The following AJAP1 variants were observed in gnomAD, a reference collection of about 807,000 sequenced individuals.
AJAP1 encodes the protein adherens junctions associated protein 1.
In AJAP1, 5 loss-of-function variants were observed where a neutral mutation model predicts 35.0. That is an observed-to-expected ratio of 0.14 (90% CI 0.07 to 0.30). The LOEUF is 0.30. Ranked by LOEUF, AJAP1 falls within the 10% of genes least tolerant of loss-of-function variation. The pLI is 1.00. For missense variants in AJAP1, 586 were observed against 571.0 expected, an observed-to-expected ratio of 1.03 and a Z score of -0.27; for synonymous variants, 284 against 249.3, an observed-to-expected ratio of 1.14 and a Z score of -1.31.
At chr1:4,765,411 C>T (rs1019283250) in intron 2 of AJAP1, among the ~76,000 whole-genome samples, 1 of 151,692 alleles carries the variant, frequency 6.6e-6, no homozygotes, top group African/African-American at 2.4e-5. Flanking sequence ...TGTTCCTGCC[C>T]GAGGTAGCTA....
intron 1 of AJAP1, chr1:4,711,283 G>C (rs755181765): frequency 6.6e-6 from 1 of 152,360 alleles, no homozygotes; most frequent in Non-Finnish European, 1.5e-5. Flanking sequence ...GCTGGTGTTT[G>C]CAAAGTGCAA....
intron 2 of AJAP1, among the ~76,000 whole-genome samples, chr1:4,743,573 C>T (rs1369265879): frequency 6.6e-6 from 1 of 152,180 alleles, no homozygotes; most frequent in Non-Finnish European, 1.5e-5. Context: ...CCTCCATCCG[C>T]CCGACAGCAG....
At position 4,784,740 on chromosome 1, in the gene AJAP1, A is replaced by C. The variant is rs1642132815; in HGVS notation, c.*2255A>C. ...TTATTTTCCCCCCAAGCTTTGGCAC[A>C]TCCTGAGACAATGCAAACATCCGCC... is the stretch of plus-strand genomic sequence containing the variant. On this transcript the variant is annotated 3_prime_UTR_variant, in exon 6 of 6. Transcript: ENST00000378191. 1 of 152,258 alleles carries C rather than the reference A, an allele frequency of 6.6e-6. No individual in the cohort carries two copies. Among genetic ancestry groups the C allele is most frequent in the African/African-American group, 2.4e-5 (1 of 41,446 alleles). 9.4% of individuals were successfully genotyped at this position (152,258 alleles called of 1,614,324 possible). A position where few individuals can be genotyped will look rare whatever the true frequency, so the allele number is the denominator to read the frequency against.
chr1:4,704,404 G>A (rs1396919955), intron 1 of AJAP1, among the ~76,000 whole-genome samples: 24 of 148,642 alleles, frequency 1.6e-4, no homozygotes, highest in East Asian at 6.1e-4. Flanking sequence ...GAGAACATGC[G>A]GTGTTTGGTT....
rs140887963 is a variant in AJAP1 at position 4,727,579 on chromosome 1, G to A, written c.829+14880G>A. On this transcript the variant is annotated intron_variant, in intron 2 of 5. Transcript: ENST00000378191. ...GCAGAGGCGTGCTGCTGGGGACCAC[G>A]TCCCTGACACAGGACCTGGGTGCCC... Among the ~76,000 whole-genome samples the A allele has an allele frequency of 3.1e-3, 468 of 152,330 alleles. 1 individual carries two copies. Among genetic ancestry groups the A allele is most frequent in the African/African-American group, 0.011 (439 of 41,568 alleles).
In AJAP1 at chr1:4,734,083, G is replaced by A. The variant is rs1358324371; in HGVS notation, c.829+21384G>A. ...TGACTTGGCTCAGCCCAGGAAAAGC[G>A]AGAGCGATTTGCAAAAGGCCCCTTC... is the stretch of plus-strand genomic sequence containing the variant. On this transcript the variant is annotated intron_variant, in intron 2 of 5. Coordinates refer to ENST00000378191, the MANE Select transcript of AJAP1 (RefSeq NM_018836.4). The surrounding 1 kb of genome is among the most constrained non-coding windows in gnomAD (Gnocchi z 4.3). 1.3e-5 allele frequency among the ~76,000 whole-genome samples: 2 copies of A among 152,196 alleles called. No homozygotes were observed. The highest frequency in any genetic ancestry group is 2.4e-5 in the African/African-American group (1 of 41,450).
At chr1:4,722,062 G>A (rs537473819) in intron 2 of AJAP1, among the ~76,000 whole-genome samples, 27 of 152,312 alleles carry the variant, frequency 1.8e-4, no homozygotes, top group African/African-American at 5.8e-4. Context: ...TGCCACACCA[G>A]CTGGGACAGT....
intron 1 of AJAP1, among the ~76,000 whole-genome samples, chr1:4,689,808 G>A (rs1639697156): frequency 6.6e-6 from 1 of 152,206 alleles, no homozygotes; most frequent in African/African-American, 2.4e-5. Context: ...CCTGGCAGCT[G>A]GGAAACAGCC....
chr1:4,687,358 C>A (rs1385849485), intron 1 of AJAP1, among the ~76,000 whole-genome samples: 1 of 152,076 alleles, frequency 6.6e-6, no homozygotes, highest in African/African-American at 2.4e-5. Flanking sequence ...TTCCCTTAAG[C>A]GGAGTGTAAA....
At chr1:4,658,283 C>T (rs1255914300) in intron 1 of AJAP1, among the ~76,000 whole-genome samples, 5 of 152,272 alleles carry the variant, frequency 3.3e-5, no homozygotes, top group Middle Eastern at 3.4e-3. Context: ...TTCTGGGGCC[C>T]CTTTTGTTTG....
At chr1:4,707,091 G>A (rs906466335) in intron 1 of AJAP1, among the ~76,000 whole-genome samples, 1 of 152,138 alleles carries the variant, frequency 6.6e-6, no homozygotes, top group Non-Finnish European at 1.5e-5. Context: ...GGGTGTCCCA[G>A]TGAGGACTGG....
chr1:4,683,188 G>T (rs1639527079), intron 1 of AJAP1, among the ~76,000 whole-genome samples: 1 of 152,144 alleles, frequency 6.6e-6, no homozygotes, highest in Admixed American at 6.5e-5. Flanking sequence ...CTGTAGAATG[G>T]GGTTAATAGC....
rs1346190800 is a variant in AJAP1 at position 4,655,207 on chromosome 1, G to T, written c.-219G>T. ...GATGTGCGCCCCCGCGGGCCGCCCAGCCTGAGCCATGCGCCCCAACGGCGG... is the reference window on the plus strand; with the variant it reads ...GATGTGCGCCCCCGCGGGCCGCCCATCCTGAGCCATGCGCCCCAACGGCGG... On this transcript the variant is annotated 5_prime_UTR_variant, in exon 1 of 6. Transcript: ENST00000378191. The surrounding 1 kb of genome is among the most constrained non-coding windows in gnomAD (Gnocchi z 6.9). The T allele has an allele frequency of 6.5e-6, 1 of 153,238 alleles. No individual in the cohort carries two copies. Among genetic ancestry groups the T allele is most frequent in the Non-Finnish European group, 1.4e-5 (1 of 71,570 alleles). The allele number at this position is 153,238 out of a possible 1,614,324, so 9.5% of individuals were successfully genotyped here. A position where few individuals can be genotyped will look rare whatever the true frequency, so the allele number is the denominator to read the frequency against.
At position 4,712,100 on chromosome 1, in the gene AJAP1, C is replaced by T. The variant is rs762630841; in HGVS notation, c.230C>T (p.Pro77Leu). The change falls in exon 2 of 6, where the codon CCG becomes CTG. Residue 77 changes from proline (P) to leucine (L), a missense_variant. Transcript: ENST00000378191. ...GGACAGCCAGCGCGGGTCCCGGCCCCGGTGTGGAGCCCCCGGCCGCCCCGA... is the reference window on the plus strand; with the variant it reads ...GGACAGCCAGCGCGGGTCCCGGCCCTGGTGTGGAGCCCCCGGCCGCCCCGA... ...RSGQPARVPAPVWSPRPPRVE... is the reference protein window; with the variant it reads ...RSGQPARVPALVWSPRPPRVE... The T allele has an allele frequency of 3.2e-6, 5 of 1,549,356 alleles. No individual in the cohort carries two copies. In the Admixed American group the frequency reaches 8.1e-5, roughly 25 times the overall value.
At chr1:4,667,780 G>A (rs951046187) in intron 1 of AJAP1, among the ~76,000 whole-genome samples, 21 of 152,116 alleles carry the variant, frequency 1.4e-4, no homozygotes, top group African/African-American at 4.6e-4. Flanking sequence ...TGAAGTCATC[G>A]TCCCACCCAA....
At chr1:4,753,681 T>G (rs1641367587) in intron 2 of AJAP1, among the ~76,000 whole-genome samples, 1 of 152,206 alleles carries the variant, frequency 6.6e-6, no homozygotes, top group African/African-American at 2.4e-5. Flanking sequence ...CAAGGGATTC[T>G]CCTGCCTCAG....
intron 1 of AJAP1, among the ~76,000 whole-genome samples, chr1:4,699,190 C>A (rs1017047576): frequency 2.0e-5 from 3 of 152,178 alleles, no homozygotes; most frequent in African/African-American, 7.2e-5. Context: ...ATGCTCTGCC[C>A]AAACCCACCT....
chr1:4,665,054 A>G (rs1639085634), intron 1 of AJAP1, among the ~76,000 whole-genome samples: 1 of 151,914 alleles, frequency 6.6e-6, no homozygotes, highest in Non-Finnish European at 1.5e-5. Flanking sequence ...AGTGTGGTAA[A>G]ATGCGGAAAA....
chr1:4,684,571 C>T (rs1164237760), intron 1 of AJAP1, among the ~76,000 whole-genome samples: 1 of 152,160 alleles, frequency 6.6e-6, no homozygotes, highest in Non-Finnish European at 1.5e-5. Context: ...ACTTCTTAGA[C>T]ATTCTCAAGC....
Sources: allele counts gnomAD v4.1 joint callset (sites outside exome capture counted in the v4.1 genomes callset), GRCh38; gene constraint gnomAD v4.1.1; non-coding constraint Gnocchi (gnomAD v3.1); transcripts MANE v1.5; gene names NCBI Gene and HGNC (gene_info 2026-07-23, HGNC 2026-07-21).